PKIB: variants seen among roughly 807,000 people sequenced by gnomAD.
PKIB encodes cAMP-dependent protein kinase inhibitor beta, also known as PKI-beta.
PKIB carries 2 observed loss-of-function variants against 4.5 expected under a neutral mutation model. The ratio of observed to expected loss-of-function variants is 0.44; its 90% CI spans 0.18 to 1.39. The LOEUF is 1.39. PKIB is among the 40% of genes most tolerant of loss of function. PKIB has a pLI of 0.27. For missense variants in PKIB, 94 were observed against 92.6 expected (o/e 1.02, Z -0.06); for synonymous variants, 38 against 36.0 (o/e 1.06, Z -0.20).
intron 3 of PKIB, among the ~76,000 whole-genome samples, chr6:122,603,495 T>C (rs1774438399): frequency 1.3e-5 from 2 of 152,244 alleles, no homozygotes; most frequent in Admixed American, 1.3e-4. Flanking sequence ...TTCTTTTTTT[T>C]TGAGACAGAG....
chr6:122,553,489 T>TTTTTTTTTTTTTTC (rs1772749064), intron 2 of PKIB, among the ~76,000 whole-genome samples: 1 of 133,592 alleles, frequency 7.5e-6, no homozygotes, highest in Admixed American at 7.7e-5. Flanking sequence ...TTCTTTTTTT[T>TTTTTTTTTTTTTTC]TTTTTTTTTT....
chr6:122,519,554 A>G (rs895265765), intron 2 of PKIB, among the ~76,000 whole-genome samples: 1 of 152,188 alleles, frequency 6.6e-6, no homozygotes, highest in Non-Finnish European at 1.5e-5. Flanking sequence ...CATACAAAGC[A>G]AGCTGTAATG....
chr6:122,536,934 T>A (rs1301331298), intron 2 of PKIB, among the ~76,000 whole-genome samples: 2 of 151,042 alleles, frequency 1.3e-5, no homozygotes, highest in East Asian at 3.9e-4. Context: ...AACCTCAAAT[T>A]TTGCTTGGGA....
intron 3 of PKIB, among the ~76,000 whole-genome samples, chr6:122,705,287 T>A (rs181523661): frequency 8.7e-4 from 133 of 152,256 alleles, no homozygotes; most frequent in Non-Finnish European, 1.4e-3. Flanking sequence ...AAGAGTGTAT[T>A]TGTCTATTTC....
intron 2 of PKIB, among the ~76,000 whole-genome samples, chr6:122,495,563 A>G (rs1282911010): frequency 6.6e-6 from 1 of 151,850 alleles, no homozygotes; most frequent in Non-Finnish European, 1.5e-5. Context: ...GGAGTCATAT[A>G]TGCTATCTAG....
At chr6:122,676,060 A>T (rs1412604247) in intron 3 of PKIB, among the ~76,000 whole-genome samples, 2 of 152,008 alleles carry the variant, frequency 1.3e-5, no homozygotes, top group African/African-American at 4.8e-5. Flanking sequence ...TTATTATTAC[A>T]TTGTAATATA....
intron 2 of PKIB, among the ~76,000 whole-genome samples, chr6:122,550,014 A>T (rs969790914): frequency 6.6e-6 from 1 of 151,804 alleles, no homozygotes; most frequent in African/African-American, 2.4e-5. Context: ...TCCTGGGTTC[A>T]AGTCATTCTC....
At chr6:122,666,290 A>G (rs72964566) in intron 2 of PKIB, among the ~76,000 whole-genome samples, 2 of 152,358 alleles carry the variant, frequency 1.3e-5, no homozygotes, top group Non-Finnish European at 2.9e-5. Context: ...CAGGTTACCT[A>G]TGCAGAAGAA....
intron 2 of PKIB, among the ~76,000 whole-genome samples, chr6:122,563,184 C>T (rs1437463791): frequency 6.6e-6 from 1 of 152,120 alleles, no homozygotes; most frequent in Non-Finnish European, 1.5e-5. Context: ...TCATCCTTTT[C>T]CTGTGGATGT....
intron 3 of PKIB, among the ~76,000 whole-genome samples, chr6:122,676,516 G>A (rs1023165931): frequency 1.3e-5 from 2 of 152,108 alleles, no homozygotes; most frequent in Non-Finnish European, 2.9e-5. Context: ...TGAGACCTTG[G>A]ACAGCATAAT....
intron 2 of PKIB, among the ~76,000 whole-genome samples, chr6:122,513,871 G>A (rs1231129519): frequency 1.3e-5 from 2 of 152,068 alleles, no homozygotes; most frequent in South Asian, 2.1e-4. Context: ...TTCTTTATCC[G>A]TAGATAAAAT....
chr6:122,506,679 G>A lies in PKIB; in HGVS notation c.-248+28740G>A, dbSNP rs188987669. 2.4e-3 allele frequency among the ~76,000 whole-genome samples: 355 copies of A among 150,162 alleles called. 3 individuals are homozygous for A. Among genetic ancestry groups the A allele is most frequent in the African/African-American group, 8.4e-3 (346 of 41,016 alleles). Reference sequence around the variant, plus strand: ...ATAGGAATTATTTTGTAGTACCAGTGTGATTGGAGATGTAATTTTTTTTTT... The same window carrying A: ...ATAGGAATTATTTTGTAGTACCAGTATGATTGGAGATGTAATTTTTTTTTT... On this transcript the variant is annotated intron_variant, in intron 2 of 6. Coordinates refer to the PKIB transcript ENST00000392491.
chr6:122,641,252 A>G (rs1422237525), intron 2 of PKIB, among the ~76,000 whole-genome samples: 1 of 152,202 alleles, frequency 6.6e-6, no homozygotes, highest in Non-Finnish European at 1.5e-5. Context: ...GTAGATATAT[A>G]TAGTTCTAGC....
intron 2 of PKIB, among the ~76,000 whole-genome samples, chr6:122,553,936 T>C (rs1311441158): frequency 6.6e-6 from 1 of 152,154 alleles, no homozygotes; most frequent in African/African-American, 2.4e-5. Context: ...ATAAATCATG[T>C]GAATGGAGCA....
At chr6:122,724,084 A>G (rs1779847006) in intron 4 of PKIB, among the ~76,000 whole-genome samples, 1 of 152,200 alleles carries the variant, frequency 6.6e-6, no homozygotes, top group Non-Finnish European at 1.5e-5. Flanking sequence ...CAGGAGTAGT[A>G]GACCTAAATA....
intron 2 of PKIB, among the ~76,000 whole-genome samples, chr6:122,657,241 G>A (rs1776808151): frequency 6.6e-6 from 1 of 152,154 alleles, no homozygotes; most frequent in Non-Finnish European, 1.5e-5. Context: ...ACCGGTTGCT[G>A]TTGGTGTTTC....
chr6:122,638,409 G>A (rs958484315), intron 2 of PKIB, among the ~76,000 whole-genome samples: 9 of 152,102 alleles, frequency 5.9e-5, no homozygotes, highest in Non-Finnish European at 1.2e-4. Flanking sequence ...GTGTACCCGT[G>A]AACTTTCTAG....
intron 1 of PKIB, among the ~76,000 whole-genome samples, chr6:122,632,076 G>T (rs1775726854): frequency 6.6e-6 from 1 of 152,206 alleles, no homozygotes; most frequent in African/African-American, 2.4e-5. Context: ...TGGAAGAATG[G>T]GTGGAATGGA....
At chr6:122,676,667 T>C (rs1777686983) in intron 3 of PKIB, among the ~76,000 whole-genome samples, 1 of 152,206 alleles carries the variant, frequency 6.6e-6, no homozygotes, top group Admixed American at 6.5e-5. Context: ...TTAACTATTA[T>C]TATTATATGA....
Sources: gnomAD v4.1 joint callset for allele counts (sites outside exome capture counted in the v4.1 genomes callset) on GRCh38, gnomAD v4.1.1 for gene constraint, MANE v1.5 for transcripts, NCBI Gene and HGNC (gene_info 2026-07-23, HGNC 2026-07-21) for gene names.